The following ANKRD11 variants were observed in gnomAD, a reference collection of about 807,000 sequenced individuals.
ANKRD11 encodes the protein ankyrin repeat domain 11, also known as ankyrin repeat domain-containing protein 11.
In ANKRD11, 17 loss-of-function variants were observed where a neutral mutation model predicts 195.7. The observed-to-expected ratio is 0.09, with a 90% CI of 0.06 to 0.13. The LOEUF (loss-of-function observed/expected upper bound fraction) is 0.13, where lower values mean the gene tolerates loss of function less well. Ranked by LOEUF, ANKRD11 falls within the 10% of genes least tolerant of loss-of-function variation. The probability of loss-of-function intolerance (pLI) is 1.00; values close to 1 mark genes in which losing one functional copy is unlikely to be tolerated. For missense variants in ANKRD11, 3,735 were observed against 3,566.1 expected (o/e 1.05, Z -1.21); for synonymous variants, 1,953 against 1,528.1 (o/e 1.28, Z -6.49).
intron 2 of ANKRD11, among the ~76,000 whole-genome samples, chr16:89,370,150 C>T (rs535601102): frequency 2.0e-5 from 3 of 152,342 alleles, no homozygotes; most frequent in East Asian, 3.9e-4. Flanking sequence ...CAGTAAAATG[C>T]TCTTTGCATT....
intron 1 of ANKRD11, among the ~76,000 whole-genome samples, chr16:89,447,812 T>C (rs1268653037): frequency 6.6e-6 from 1 of 150,812 alleles, no homozygotes; most frequent in Non-Finnish European, 1.5e-5. Context: ...TTCTTTTTTT[T>C]TTTTTTTTTG....
At position 89,281,530 on chromosome 16, in the gene ANKRD11, G is replaced by C. The variant is rs1184056996; in HGVS notation, c.5012C>G (p.Ala1671Gly). Residue 1671 changes from alanine (A) to glycine (G), a missense_variant, in exon 9 of 13, where the codon GCA (alanine) becomes GGA (glycine). Physicochemically the swap from Ala to Gly is moderately conservative, Grantham distance 60. Coordinates refer to ENST00000301030, the MANE Select transcript of ANKRD11 (RefSeq NM_013275.6). The surrounding 1 kb of genome is among the most constrained non-coding windows in gnomAD (Gnocchi z 5.5). Reference sequence around the variant, plus strand: ...CCAGTCTTTGGAGTCTGCACCTGATGCTGGGTGTAGCTTATTTTCCGCGGC... The same window carrying C: ...CCAGTCTTTGGAGTCTGCACCTGATCCTGGGTGTAGCTTATTTTCCGCGGC... ...PPAAENKLHPASGADSKDWLA... is the reference protein window; with the variant it reads ...PPAAENKLHPGSGADSKDWLA... 6.2e-7 allele frequency: 1 copy of C among 1,614,226 alleles called. No individual in the cohort carries two copies. Among genetic ancestry groups the C allele is most frequent in the South Asian group, 1.1e-5 (1 of 91,084 alleles).
At chr16:89,478,122 T>A (rs2057318356) in intron 1 of ANKRD11, among the ~76,000 whole-genome samples, 1 of 152,204 alleles carries the variant, frequency 6.6e-6, no homozygotes, top group Non-Finnish European at 1.5e-5. Flanking sequence ...AAATTTTGTT[T>A]AACACTTTCA....
rs535113551 is a variant in ANKRD11 at position 89,462,316 on chromosome 16, C to T, written c.-145+27929G>A. Reference sequence around the variant, plus strand: ...CAGCCCCTAACCGCAAGTGATCCGCCAGCCTCGGCCTCCCGAGGTGCCGGG... The same window carrying T: ...CAGCCCCTAACCGCAAGTGATCCGCTAGCCTCGGCCTCCCGAGGTGCCGGG... On this transcript the variant is annotated intron_variant, in intron 1 of 12. Coordinates refer to ENST00000301030, the MANE Select transcript of ANKRD11 (RefSeq NM_013275.6). Among the ~76,000 whole-genome samples the T allele has an allele frequency of 2.6e-5, 4 of 152,338 alleles. No homozygotes were observed. In the South Asian group the frequency reaches 8.3e-4, roughly 32 times the overall value.
chr16:89,274,732 G>C, intron 11 of ANKRD11, 82 bp downstream of exon 11: 2 of 1,588,386 alleles, frequency 1.3e-6, no homozygotes, highest in Non-Finnish European at 1.7e-6. Context: ...CCTGGTCAAA[G>C]TGCAGAATCT....
At chr16:89,351,882 C>A (rs528720534) in intron 2 of ANKRD11, among the ~76,000 whole-genome samples, 70 of 152,170 alleles carry the variant, frequency 4.6e-4, no homozygotes, top group Non-Finnish European at 7.8e-4. Context: ...TCTGGGTAAG[C>A]CTACGGTCTG....
chr16:89,391,085 G>T (rs1015989806), intron 2 of ANKRD11, among the ~76,000 whole-genome samples: 3 of 152,044 alleles, frequency 2.0e-5, no homozygotes, highest in Non-Finnish European at 2.9e-5. Flanking sequence ...AAAATTAGCC[G>T]GGCGCGGTGG....
intron 1 of ANKRD11, among the ~76,000 whole-genome samples, chr16:89,423,640 C>G (rs1243765482): frequency 2.6e-5 from 4 of 152,202 alleles, no homozygotes; most frequent in African/African-American, 9.7e-5. Context: ...CATGTGAGCC[C>G]ACCATTACTA....
At chr16:89,293,814 C>A (rs183723364) in intron 4 of ANKRD11, among the ~76,000 whole-genome samples, 100 of 152,084 alleles carry the variant, frequency 6.6e-4, no homozygotes, top group Admixed American at 1.6e-3. Flanking sequence ...GAAGTGCAGG[C>A]GTTGCCATGC....
At chr16:89,342,379 G>T (rs771324458) in intron 2 of ANKRD11, among the ~76,000 whole-genome samples, 2 of 152,248 alleles carry the variant, frequency 1.3e-5, no homozygotes, top group African/African-American at 4.8e-5. Flanking sequence ...ACTCCCCAGA[G>T]ATGTTGAGGC....
chr16:89,446,940 C>T (rs2043821108), intron 1 of ANKRD11, among the ~76,000 whole-genome samples: 1 of 152,170 alleles, frequency 6.6e-6, no homozygotes, highest in Non-Finnish European at 1.5e-5. Flanking sequence ...CCGAGGTGTT[C>T]TCACTCTGCA....
rs1029884816 is a variant in ANKRD11, at chr16:89,347,572, C to A, written c.-59-30494G>T. On this transcript the variant is annotated intron_variant, in intron 2 of 12. Coordinates refer to ENST00000301030, the MANE Select transcript of ANKRD11 (RefSeq NM_013275.6). ...GTTGCAGCGAGCCAAGATCACGCCA[C>A]TGCATTCCAGCCTGGGCGACAGAGC... is the stretch of plus-strand genomic sequence containing the variant. Among the ~76,000 whole-genome samples, 3 of 146,922 alleles carry A rather than the reference C, an allele frequency of 2.0e-5. No individual in the cohort carries two copies. In the South Asian group the frequency reaches 6.3e-4, roughly 31 times the overall value.
chr16:89,280,675 T>C lies in ANKRD11; in HGVS notation c.5867A>G (p.Gln1956Arg), dbSNP rs1377972877. 6.2e-7 allele frequency: 1 copy of C among 1,613,386 alleles called. No individual in the cohort carries two copies. The highest frequency in any genetic ancestry group is 8.5e-7 in the Non-Finnish European group (1 of 1,179,914). ...CCCGATCAGGCTAGAGGCAAGCGCC[T>C]GCTCGGAGGGGTGGGCCCACTCAAC... ...EPVEWAHPSE[Q>R]ALASSLIGGT... Residue 1956 changes from glutamine (Q) to arginine (R), a missense_variant, in exon 9 of 13, where the codon CAG (glutamine) becomes CGG (arginine). Physicochemically the swap from Gln to Arg is conservative, Grantham distance 43. Transcript: ENST00000301030.
At chr16:89,278,485 G>C (rs761911611) in intron 9 of ANKRD11, 1 of 455,302 alleles carries the variant, frequency 2.2e-6, no homozygotes, top group South Asian at 1.6e-5. Context: ...TGTTTCACCT[G>C]AGCCTGCAGA....
At chr16:89,428,678 G>T (rs569034008) in intron 1 of ANKRD11, among the ~76,000 whole-genome samples, 4 of 151,356 alleles carry the variant, frequency 2.6e-5, no homozygotes, top group Non-Finnish European at 5.9e-5. Flanking sequence ...GATGGATCAC[G>T]AAGTCAGGAG....
intron 1 of ANKRD11, among the ~76,000 whole-genome samples, chr16:89,483,896 T>C (rs1015400550): frequency 1.3e-5 from 2 of 152,046 alleles, no homozygotes; most frequent in Non-Finnish European, 2.9e-5. Context: ...AAATTTCAGA[T>C]AGACTATTCT....
At chr16:89,387,243 G>C (rs927891052) in intron 2 of ANKRD11, among the ~76,000 whole-genome samples, 11 of 150,378 alleles carry the variant, frequency 7.3e-5, no homozygotes, top group African/African-American at 2.7e-4. Context: ...AAAAAAAAAA[G>C]CATCTCTCAA....
At chr16:89,372,615 G>A (rs865779720) in intron 2 of ANKRD11, among the ~76,000 whole-genome samples, 2 of 152,222 alleles carry the variant, frequency 1.3e-5, no homozygotes, top group Middle Eastern at 3.4e-3. Flanking sequence ...TTAAAATACT[G>A]AAATTAAAAA....
intron 2 of ANKRD11, among the ~76,000 whole-genome samples, chr16:89,343,210 C>T (rs1309393678): frequency 2.0e-5 from 3 of 152,006 alleles, no homozygotes; most frequent in Admixed American, 6.5e-5. Flanking sequence ...AGGCTGGTCT[C>T]GAACTCCTGA....
Sources: allele counts gnomAD v4.1 joint callset (sites outside exome capture counted in the v4.1 genomes callset), GRCh38; gene constraint gnomAD v4.1.1; non-coding constraint Gnocchi (gnomAD v3.1); transcripts MANE v1.5; gene names NCBI Gene and HGNC (gene_info 2026-07-23, HGNC 2026-07-21).